The following SNTG2 variants were observed in gnomAD, a reference collection of about 807,000 sequenced individuals.
SNTG2 encodes gamma-2-syntrophin.
In SNTG2, 74 loss-of-function variants were observed where a neutral mutation model predicts 70.9. The observed-to-expected ratio is 1.04, with a 90% CI of 0.86 to 1.27. The LOEUF is 1.27. Ranked by LOEUF, SNTG2 falls within the 50% of genes most tolerant of loss-of-function variation. The pLI is 0.00. For synonymous variants in SNTG2, 278 were observed against 273.8 expected (o/e 1.02, Z -0.15); for missense variants, 717 against 690.7 (o/e 1.04, Z -0.43).
At chr2:1,287,258 A>G (rs1474721362) in intron 14 of SNTG2, among the ~76,000 whole-genome samples, 2 of 152,262 alleles carry the variant, frequency 1.3e-5, no homozygotes, top group South Asian at 4.1e-4. Flanking sequence ...TGAACAATTT[A>G]ATTTCTTTAG....
At chr2:1,333,594 T>C (rs1439013971) in intron 16 of SNTG2, among the ~76,000 whole-genome samples, 1 of 152,088 alleles carries the variant, frequency 6.6e-6, no homozygotes, top group African/African-American at 2.4e-5. Flanking sequence ...AAAACAGACA[T>C]AGACCAATGG....
chr2:1,281,212 T>G, intron 14 of SNTG2, among the ~76,000 whole-genome samples: 1 of 119,630 alleles, frequency 8.4e-6, no homozygotes, highest in African/African-American at 3.5e-5. Context: ...GTGTGTGGTG[T>G]GTGTGTGTTT....
chr2:991,683 A>C (rs1661498743), intron 1 of SNTG2, among the ~76,000 whole-genome samples: 1 of 152,162 alleles, frequency 6.6e-6, no homozygotes, highest in Non-Finnish European at 1.5e-5. Context: ...AATGGCATCT[A>C]GGGCTGATTG....
At chr2:1,006,093 T>C (rs1157676210) in intron 1 of SNTG2, among the ~76,000 whole-genome samples, 1 of 144,494 alleles carries the variant, frequency 6.9e-6, no homozygotes, top group Non-Finnish European at 1.5e-5. Context: ...CCGCATATTC[T>C]CACTCATAGG....
At chr2:1,213,412 A>G (rs536799495) in intron 9 of SNTG2, among the ~76,000 whole-genome samples, 1 of 152,358 alleles carries the variant, frequency 6.6e-6, no homozygotes, top group African/African-American at 2.4e-5. Flanking sequence ...TGGTCACAAA[A>G]TATCACCAAA....
At position 1,209,278 on chromosome 2, in the gene SNTG2, C is replaced by T. The variant is rs779872852; in HGVS notation, c.719+48C>T. The T allele has an allele frequency of 1.9e-6, 3 of 1,610,746 alleles. No homozygotes were observed. In the South Asian group the frequency reaches 3.3e-5, roughly 18 times the overall value. On this transcript the variant is annotated intron_variant, in intron 9 of 16. Coordinates refer to ENST00000308624, the MANE Select transcript of SNTG2 (RefSeq NM_018968.4). Reference sequence around the variant, plus strand: ...GGGAAACTTTGATGAACCCCGTGCACTTTTGCCAGTTCCTACAGGCCGCTG... The same window carrying T: ...GGGAAACTTTGATGAACCCCGTGCATTTTTGCCAGTTCCTACAGGCCGCTG...
chr2:1,323,594 AC>A (rs935680487), intron 16 of SNTG2, among the ~76,000 whole-genome samples: 13 of 146,630 alleles, frequency 8.9e-5, no homozygotes, highest in Admixed American at 6.8e-4. Context: ...CATGGCTGAG[AC>A]CCCCTGTAGG....
chr2:1,325,598 C>T (rs566300228), intron 16 of SNTG2, among the ~76,000 whole-genome samples: 1 of 152,058 alleles, frequency 6.6e-6, no homozygotes, highest in Non-Finnish European at 1.5e-5. Flanking sequence ...TATCAGAAAC[C>T]CTCATTTAAG....
chr2:1,233,817 T>C (rs1676424304), intron 9 of SNTG2, among the ~76,000 whole-genome samples: 1 of 151,966 alleles, frequency 6.6e-6, no homozygotes. Flanking sequence ...GGGAGGAGGG[T>C]AGACTTTTCA....
Position 1,259,425 on chromosome 2 carries a change from T to C in SNTG2, c.1061T>C (p.Leu354Pro). 6.2e-7 allele frequency: 1 copy of C among 1,613,948 alleles called. No individual in the cohort carries two copies. The change falls in exon 13 of 17, where the codon CTA becomes CCA. Residue 354 changes from leucine to proline, a missense_variant. Leu to Pro is a moderately conservative substitution (Grantham distance 98). Coordinates refer to ENST00000308624, the MANE Select transcript of SNTG2 (RefSeq NM_018968.4). Reference sequence around the variant, plus strand: ...AGGACCTATCACCTCTGTGAGGTGCTATTTAAAGTTCACAAGGTAGGTATC... The same window carrying C: ...AGGACCTATCACCTCTGTGAGGTGCCATTTAAAGTTCACAAGGTAGGTATC... ...AERTYHLCEVLFKVHKFWLTE... is the reference protein window; with the variant it reads ...AERTYHLCEVPFKVHKFWLTE...
intron 4 of SNTG2, chr2:1,103,390 T>TTA: frequency 3.7e-6 from 1 of 272,086 alleles, no homozygotes; most frequent in South Asian, 3.7e-5. Flanking sequence ...TTTTTTTTTT[T>TTA]ATTTTTTTTT....
intron 15 of SNTG2, among the ~76,000 whole-genome samples, chr2:1,311,286 A>C (rs911289170): frequency 2.6e-5 from 4 of 152,360 alleles, no homozygotes; most frequent in Non-Finnish European, 5.9e-5. Context: ...ACTTGACCTC[A>C]CATTTTTCTC....
At chr2:1,150,750 A>G (rs538572439) in intron 6 of SNTG2, among the ~76,000 whole-genome samples, 1 of 152,186 alleles carries the variant, frequency 6.6e-6, no homozygotes, top group Non-Finnish European at 1.5e-5. Flanking sequence ...GTCAGTATCT[A>G]TGCCTGAGAG....
intron 9 of SNTG2, among the ~76,000 whole-genome samples, chr2:1,211,706 C>T (rs1383315498): frequency 6.6e-6 from 1 of 152,102 alleles, no homozygotes; most frequent in East Asian, 1.9e-4. Context: ...TATTCACTAC[C>T]ATGAGAACAG....
At chr2:1,338,461 G>T (rs1659926186) in intron 16 of SNTG2, among the ~76,000 whole-genome samples, 1 of 152,018 alleles carries the variant, frequency 6.6e-6, no homozygotes. Context: ...TTGTAAATGG[G>T]ATTGTTTTCT....
At chr2:1,020,975 C>T (rs1200183843) in intron 1 of SNTG2, among the ~76,000 whole-genome samples, 1 of 152,198 alleles carries the variant, frequency 6.6e-6, no homozygotes, top group East Asian at 1.9e-4. Flanking sequence ...TTTTGTATTA[C>T]ATTTTTAATG....
chr2:975,045 C>G (rs1043727969), intron 1 of SNTG2, among the ~76,000 whole-genome samples: 2 of 152,192 alleles, frequency 1.3e-5, no homozygotes, highest in African/African-American at 4.8e-5. Context: ...CACACTTGCA[C>G]TCACTCACAC....
At chr2:1,093,764 C>T (rs1031689998) in intron 2 of SNTG2, among the ~76,000 whole-genome samples, 15 of 152,232 alleles carry the variant, frequency 9.9e-5, no homozygotes, top group Non-Finnish European at 1.8e-4. Context: ...TCCTTCACTC[C>T]TGTTGAGGCA....
intron 9 of SNTG2, among the ~76,000 whole-genome samples, chr2:1,221,477 C>CTGTCTCTCTCTGTCTCTCTCTGTCTCTT (rs1674839134): frequency 2.8e-5 from 1 of 35,236 alleles, no homozygotes; most frequent in Non-Finnish European, 5.6e-5. Context: ...CTCTCTGTCT[C>CTGTCTCTCTCTGTCTCTCTCTGTCTCTT]TCTCTCTCTC....
Sources: allele counts gnomAD v4.1 joint callset (sites outside exome capture counted in the v4.1 genomes callset), GRCh38; gene constraint gnomAD v4.1.1; transcripts MANE v1.5; gene names NCBI Gene and HGNC (gene_info 2026-07-23, HGNC 2026-07-21).